The following HPS5 variants were observed in gnomAD, a reference collection of about 807,000 sequenced individuals.
HPS5 encodes the protein HPS5 biogenesis of lysosomal organelles complex 2 subunit 2, also known as BLOC-2 complex member HPS5.
Under a neutral mutation model 128.0 loss-of-function variants are expected in HPS5, and 83 were observed. The observed-to-expected ratio is 0.65, with a 90% confidence interval of 0.54 to 0.78. The LOEUF is 0.78. HPS5 is among the 30% of genes least tolerant of loss of function. The pLI is 0.00. For synonymous variants in HPS5, 475 were observed against 470.2 expected (o/e 1.01, Z -0.13); for missense variants, 1,281 against 1,326.2 (o/e 0.97, Z 0.53).
Position 18,317,778 on chromosome 11 carries a change from G to A in HPS5, c.81C>T (p.Ala27=), listed in dbSNP as rs1255144256. Residue 27 remains alanine (A), a synonymous_variant, in exon 2 of 23, where the codon GCC becomes GCT. Transcript: ENST00000349215. ...TTAGACGACTGGAGTCCAGCCGCAG[G>A]GCTGAGAGTAATGGATCCAGAGATT... The part of the protein sequence containing the change: ...EFESLDPLLS[A]LRLDSSRLKC... The A allele has an allele frequency of 6.2e-7, 1 of 1,613,892 alleles. No homozygotes were observed. Among genetic ancestry groups the A allele is most frequent in the Non-Finnish European group, 8.5e-7 (1 of 1,179,920 alleles).
intron 21 of HPS5, 138 bp from the exon 22 acceptor site, chr11:18,282,358 G>A: frequency 1.1e-6 from 1 of 923,140 alleles, no homozygotes; most frequent in Admixed American, 2.3e-5. Flanking sequence ...CCTAACACAA[G>A]TTGTTTTCTG....
chr11:18,282,052 T>A lies in HPS5; in HGVS notation c.3227A>T (p.Asp1076Val), dbSNP rs1306259495. Residue 1076 changes from aspartate to valine, a missense_variant, in exon 22 of 23, where the codon GAT (aspartate) becomes GTT (valine). Physicochemically the swap from Asp to Val is radical, Grantham distance 152. Transcript: ENST00000349215. The stretch of plus-strand genomic sequence containing the variant: ...TTCCTGTAGCAGTGACCAAGCCCGA[T>A]CTGGGCCCATGGCCTTAGCTAACAG... The part of the protein sequence containing the change: ...ALLLAKAMGP[D>V]RAWSLLQECG... 1.2e-6 allele frequency: 2 copies of A among 1,614,090 alleles called. No homozygotes were observed. The highest frequency in any genetic ancestry group is 2.7e-5 in the African/African-American group (2 of 74,920).
chr11:18,300,227 T>TA (rs1029801787), intron 9 of HPS5, among the ~76,000 whole-genome samples: 10 of 152,236 alleles, frequency 6.6e-5, no homozygotes, highest in African/African-American at 2.4e-4. Context: ...CGAAACATAT[T>TA]ATGGGGTACA....
Position 18,291,990 on chromosome 11 carries a change from A to C in HPS5, c.1892T>G (p.Phe631Cys), listed in dbSNP as rs746874798. ...AACCATTCTCAGAGACTCGGATTCA[A>C]ATAAAACCAGAGGGTCCTGTAGCTT... ...MTKLQDPLVL[F>C]ESESLRMVLQ... Residue 631 changes from phenylalanine (F) to cysteine (C), a missense_variant, in exon 16 of 23, where the codon TTT (phenylalanine) becomes TGT (cysteine). Transcript: ENST00000349215. 6.2e-6 allele frequency: 10 copies of C among 1,613,916 alleles called. No individual in the cohort carries two copies. Among genetic ancestry groups the C allele is most frequent in the Admixed American group, 1.7e-5 (1 of 59,920 alleles).
At chr11:18,320,010 T>C (rs1309541774) in intron 1 of HPS5, among the ~76,000 whole-genome samples, 1 of 152,078 alleles carries the variant, frequency 6.6e-6, no homozygotes, top group Non-Finnish European at 1.5e-5. Flanking sequence ...GAGTAGGTCA[T>C]TTTGCCTTAA....
rs752227343 is a variant in HPS5 at position 18,317,779 on chromosome 11, G to A, written c.80C>T (p.Ala27Val). ...TAGACGACTGGAGTCCAGCCGCAGGGCTGAGAGTAATGGATCCAGAGATTC... is the reference window on the plus strand; with the variant it reads ...TAGACGACTGGAGTCCAGCCGCAGGACTGAGAGTAATGGATCCAGAGATTC... ...EFESLDPLLS[A>V]LRLDSSRLKC... The change falls in exon 2 of 23, where the codon GCC becomes GTC. Residue 27 changes from alanine to valine, a missense_variant. Physicochemically the swap from Ala to Val is moderately conservative, Grantham distance 64. Coordinates refer to ENST00000349215, the MANE Select transcript of HPS5 (RefSeq NM_181507.2). 6.2e-7 allele frequency: 1 copy of A among 1,613,862 alleles called. No homozygotes were observed. The highest frequency in any genetic ancestry group is 1.3e-5 in the African/African-American group (1 of 75,016).
In HPS5 at chr11:18,298,845, T is replaced by A; in HGVS notation, c.1111A>T (p.Asn371Tyr). Residue 371 changes from asparagine to tyrosine, a missense_variant, in exon 10 of 23, where the codon AAC becomes TAC. Physicochemically the swap from Asn to Tyr is moderately radical, Grantham distance 143 (BLOSUM62 -2). Coordinates refer to ENST00000349215, the MANE Select transcript of HPS5 (RefSeq NM_181507.2). ...AGACAGCATGTACGAGCAGCCAAGT[T>A]CCATAGGCCTCTTCTTAGCAGGCGT... Reference protein sequence around the residue: ...VERLLRRGLWNLAARTCCLFQ... With the variant: ...VERLLRRGLWYLAARTCCLFQ... The A allele has an allele frequency of 6.2e-7, 1 of 1,614,168 alleles. No individual in the cohort carries two copies. Among genetic ancestry groups the A allele is most frequent in the Non-Finnish European group, 8.5e-7 (1 of 1,180,028 alleles).
intron 2 of HPS5, among the ~76,000 whole-genome samples, chr11:18,312,865 T>C (rs1863169258): frequency 6.6e-6 from 1 of 152,208 alleles, no homozygotes; most frequent in Non-Finnish European, 1.5e-5. Context: ...ATTGGGCCAC[T>C]ACACTAAACC....
At chr11:18,307,441 C>T (rs1357415966) in intron 6 of HPS5, among the ~76,000 whole-genome samples, 1 of 152,114 alleles carries the variant, frequency 6.6e-6, no homozygotes, top group African/African-American at 2.4e-5. Flanking sequence ...ACTTATACTC[C>T]TTATTTGGGA....
At chr11:18,280,016 CAG>C (rs1199499952) in intron 22 of HPS5, 74 bp from the exon 23 acceptor site, 2 of 1,428,006 alleles carry the variant, frequency 1.4e-6, no homozygotes, top group Non-Finnish European at 2.0e-6. Flanking sequence ...TTAAAAACTA[CAG>C]AGTTTCAGAG....
At chr11:18,280,877 G>T (rs1266713624) in intron 22 of HPS5, among the ~76,000 whole-genome samples, 3 of 152,128 alleles carry the variant, frequency 2.0e-5, no homozygotes, top group African/African-American at 7.2e-5. Flanking sequence ...GGTTGCCAGG[G>T]GCTAGGTAGA....
chr11:18,314,451 C>T (rs995610704), intron 2 of HPS5: 1 of 152,176 alleles, frequency 6.6e-6, no homozygotes, highest in African/African-American at 2.4e-5. Flanking sequence ...ATCACTTGAA[C>T]CCGGGAGGCA....
Position 18,305,394 on chromosome 11 carries a change from C to T in HPS5, c.896+28G>A, listed in dbSNP as rs760425093. On this transcript the variant is annotated intron_variant, in intron 8 of 22. Coordinates refer to ENST00000349215, the MANE Select transcript of HPS5 (RefSeq NM_181507.2). ...AAAAATCTAAGTATTCTTTTTCCCC[C>T]CCAGAACTAAGGAAAGTAGAAACTT... 9.7e-6 allele frequency: 14 copies of T among 1,447,508 alleles called. 1 individual carries two copies. In the South Asian group the frequency reaches 1.1e-4, roughly 12 times the overall value. The allele number at this position is 1,447,508 out of a possible 1,614,324, so 89.7% of individuals were successfully genotyped here.
Position 18,311,944 on chromosome 11 carries a change from G to A in HPS5, c.189C>T (p.Gly63=). The A allele has an allele frequency of 1.2e-6, 2 of 1,613,702 alleles. No individual in the cohort carries two copies. Among genetic ancestry groups the A allele is most frequent in the Non-Finnish European group, 1.7e-6 (2 of 1,179,618 alleles). ...GTGAAAGAAAAAGCCTGTGCTTCCA[G>A]CCTTCTTTCTGAATGAGATGGAGTC... ...GGGLHLIQKE[G]WKHRLFLSHR... The change falls in exon 3 of 23, where the codon GGC becomes GGT. Residue 63 remains glycine (G), a synonymous_variant. Coordinates refer to ENST00000349215, the MANE Select transcript of HPS5 (RefSeq NM_181507.2).
In HPS5 at chr11:18,287,892, C is replaced by T. The variant is rs1333387347; in HGVS notation, c.2561+1G>A. 1 of 1,613,972 alleles carries T rather than the reference C, an allele frequency of 6.2e-7. No homozygotes were observed. Among genetic ancestry groups the T allele is most frequent in the Admixed American group, 1.7e-5 (1 of 60,020 alleles). On this transcript the variant is annotated splice_donor_variant, in intron 17 of 22. Coordinates refer to ENST00000349215, the MANE Select transcript of HPS5 (RefSeq NM_181507.2). LOFTEE classifies it high-confidence loss of function. ...TATAAACAATATACAGGACAACTTA[C>T]CGGGTAGCATAAACAACCAACAACG...
At chr11:18,317,181 G>A (rs1186957741) in intron 2 of HPS5, among the ~76,000 whole-genome samples, 5 of 90,942 alleles carry the variant, frequency 5.5e-5, no homozygotes, top group African/African-American at 1.2e-4. Flanking sequence ...GCAACAGAGC[G>A]AGACTCCGTC....
At chr11:18,300,316 T>G (rs923384738) in intron 9 of HPS5, among the ~76,000 whole-genome samples, 1 of 152,116 alleles carries the variant, frequency 6.6e-6, no homozygotes, top group Non-Finnish European at 1.5e-5. Flanking sequence ...AAAAAATAAA[T>G]AGCTGAATGC....
chr11:18,300,813 GAAAAATAT>G lies in HPS5; in HGVS notation c.985+7_985+14del. The G allele has an allele frequency of 7.6e-7, 1 of 1,314,618 alleles. No homozygotes were observed. The highest frequency in any genetic ancestry group is 1.5e-5 in the African/African-American group (1 of 67,746). The allele number at this position is 1,314,618 out of a possible 1,614,324, so 81.4% of individuals were successfully genotyped here. A position where few individuals can be genotyped will look rare whatever the true frequency, so the allele number is the denominator to read the frequency against. ...TAAGCATGAGATTAAAAATTACAAA[GAAAAATAT>G]AATTACCTTTGACTTCACTCCAAAG... On this transcript the variant is annotated splice_region_variant and intron_variant, in intron 9 of 22. Transcript: ENST00000349215.
rs141412205 is a variant in HPS5, at chr11:18,315,900, T to C, written c.108+1851A>G. ...ACTTGCTAGGTCTATTCATTCTCCA[T>C]AATGATTTATTGCCACTCAAAACAA... On this transcript the variant is annotated intron_variant, in intron 2 of 22. Coordinates refer to ENST00000349215, the MANE Select transcript of HPS5 (RefSeq NM_181507.2). Among the ~76,000 whole-genome samples the C allele has an allele frequency of 4.2e-4, 64 of 152,310 alleles. 1 individual carries two copies. Among genetic ancestry groups the C allele is most frequent in the African/African-American group, 1.3e-3 (53 of 41,572 alleles).
Sources: allele counts gnomAD v4.1 joint callset (sites outside exome capture counted in the v4.1 genomes callset), GRCh38; gene constraint gnomAD v4.1.1; transcripts MANE v1.5; gene names NCBI Gene and HGNC (gene_info 2026-07-23, HGNC 2026-07-21).